FBXO7: variants seen among roughly 807,000 people sequenced by gnomAD.
FBXO7 encodes F-box protein 7, also known as F-box only protein 7.
Under a neutral mutation model 50.2 loss-of-function variants are expected in FBXO7, and 31 were observed. The ratio of observed to expected loss-of-function variants is 0.62; its 90% CI spans 0.46 to 0.83. The LOEUF is 0.83. Ranked by LOEUF, FBXO7 falls within the 40% of genes least tolerant of loss-of-function variation. The pLI, the probability that FBXO7 is intolerant of heterozygous loss-of-function variation, is 0.00. For synonymous variants in FBXO7, 256 were observed against 253.1 expected, an observed-to-expected ratio of 1.01 and a Z score of -0.11; for missense variants, 667 against 646.6, an observed-to-expected ratio of 1.03 and a Z score of -0.34.
At chr22:32,495,397 A>G in intron 7 of FBXO7, 96 bp from the exon 8 acceptor site, 1 of 717,418 alleles carries the variant, frequency 1.4e-6, no homozygotes, top group Non-Finnish European at 2.4e-6. Flanking sequence ...CTTAACGGGT[A>G]AGTTTCACTT....
At chr22:32,493,868 G>A (rs1266558602) in intron 7 of FBXO7, among the ~76,000 whole-genome samples, 5 of 151,296 alleles carry the variant, frequency 3.3e-5, no homozygotes, top group Non-Finnish European at 7.4e-5. Context: ...CATTTAATGG[G>A]TCATGTTACA....
intron 2 of FBXO7, among the ~76,000 whole-genome samples, chr22:32,482,490 A>G (rs2057470986): frequency 6.6e-6 from 1 of 152,250 alleles, no homozygotes; most frequent in Non-Finnish European, 1.5e-5. Context: ...TTCTGAGCAA[A>G]CTTAATATAG....
In FBXO7 at chr22:32,484,025, A is replaced by G; in HGVS notation, c.546A>G (p.Ser182=). The change falls in exon 3 of 9, where the codon TCA becomes TCG. Residue 182 remains serine, a synonymous_variant. Coordinates refer to ENST00000266087, the MANE Select transcript of FBXO7 (RefSeq NM_012179.4). Reference sequence around the variant, plus strand: ...CGGTGGAAGGGCAAGTGCCACATTCATTAGAGACCTTGTATCAATCAGCTG... The same window carrying G: ...CGGTGGAAGGGCAAGTGCCACATTCGTTAGAGACCTTGTATCAATCAGCTG... ...SESVEGQVPH[S]LETLYQSADC... 6.2e-7 allele frequency: 1 copy of G among 1,614,182 alleles called. No homozygotes were observed.
At chr22:32,482,727 A>G (rs1032651274) in intron 2 of FBXO7, among the ~76,000 whole-genome samples, 5 of 152,264 alleles carry the variant, frequency 3.3e-5, no homozygotes, top group African/African-American at 4.8e-5. Context: ...TAAAGACATT[A>G]TGAAGTTGTA....
chr22:32,478,379 T>C lies in FBXO7; in HGVS notation c.123-602T>C, dbSNP rs1050313569. ...CAGGGGAAAATGCTGTCAATTGATA[T>C]GTCATTGATTTTAGGAAGTATCTTA... On this transcript the variant is annotated intron_variant, in intron 1 of 8. Coordinates refer to ENST00000266087, the MANE Select transcript of FBXO7 (RefSeq NM_012179.4). 7.9e-5 allele frequency among the ~76,000 whole-genome samples: 12 copies of C among 152,304 alleles called. No homozygotes were observed. In the East Asian group the frequency reaches 1.5e-3, roughly 20 times the overall value.
chr22:32,490,190 C>G (rs9619267), intron 5 of FBXO7: 1 of 152,118 alleles, frequency 6.6e-6, no homozygotes, highest in African/African-American at 2.4e-5. Context: ...AGGCACTGCT[C>G]GTGGAGCTTT....
intron 1 of FBXO7, among the ~76,000 whole-genome samples, chr22:32,476,748 T>C (rs1249067634): frequency 6.6e-6 from 1 of 152,190 alleles, no homozygotes; most frequent in Non-Finnish European, 1.5e-5. Flanking sequence ...GAATGGCTAC[T>C]CCATAGGCAG....
intron 1 of FBXO7, among the ~76,000 whole-genome samples, chr22:32,476,334 G>A (rs2057428714): frequency 1.3e-5 from 2 of 152,082 alleles, no homozygotes; most frequent in South Asian, 2.1e-4. Flanking sequence ...AGTAGGTTAC[G>A]AGTAGAAGAT....
intron 5 of FBXO7, chr22:32,489,482 C>G (rs1322003391): frequency 5.3e-5 from 8 of 152,160 alleles, no homozygotes; most frequent in Admixed American, 5.2e-4. Context: ...CTACACTTTA[C>G]AGCAGTAGAG....
chr22:32,475,562 A>G, intron 1 of FBXO7: 1 of 890,304 alleles, frequency 1.1e-6, no homozygotes, highest in Non-Finnish European at 1.6e-6. Flanking sequence ...CTGTTGGAGT[A>G]TTTCAATGAA....
intron 5 of FBXO7, chr22:32,489,733 A>G (rs1308990577): frequency 6.6e-6 from 1 of 152,250 alleles, no homozygotes; most frequent in East Asian, 1.9e-4. Flanking sequence ...TTACAAGTTT[A>G]TGGACTGTTA....
chr22:32,475,309 G>T, intron 1 of FBXO7, 185 bp downstream of exon 1: 2 of 1,607,304 alleles, frequency 1.2e-6, no homozygotes, highest in Non-Finnish European at 1.7e-6. Context: ...GAGCCGGAGG[G>T]TGCAGGCGAC....
Position 32,493,215 on chromosome 22 carries a change from C to T in FBXO7, c.1078C>T (p.Arg360Cys), listed in dbSNP as rs766504416. 6.2e-6 allele frequency: 10 copies of T among 1,613,940 alleles called. No homozygotes were observed. The highest frequency in any genetic ancestry group is 1.6e-4 in the Middle Eastern group (1 of 6,084). Residue 360 changes from arginine to cysteine, a missense_variant, in exon 7 of 9, where the codon CGT becomes TGT. Coordinates refer to ENST00000266087, the MANE Select transcript of FBXO7 (RefSeq NM_012179.4). ...RSVLSLSAVC[R>C]DLFTASNDPL... ...CGTCTTGTCTTTGTCTGCGGTTTGT[C>T]GTGACCTCTTTACTGCTTCAAATGA...
At chr22:32,481,739 C>T (rs1258438637) in intron 2 of FBXO7, among the ~76,000 whole-genome samples, 1 of 152,150 alleles carries the variant, frequency 6.6e-6, no homozygotes, top group South Asian at 2.1e-4. Context: ...GGGAATTCAT[C>T]GAGTGCCTCT....
rs1405380641 is a variant in FBXO7 at position 32,487,781 on chromosome 22, A to G, written c.824A>G (p.Lys275Arg). 17 of 1,610,644 alleles carry G rather than the reference A, an allele frequency of 1.1e-5. No individual in the cohort carries two copies. Among genetic ancestry groups the G allele is most frequent in the Non-Finnish European group, 1.4e-5 (17 of 1,177,442 alleles). ...LKINNEIRSV[K>R]RLQLLPESFI... ...ATCAACAATGAGATTAGAAGTGTGA[A>G]AAGATTGCAGCTGCTACCAGAATCT... The change falls in exon 5 of 9, where the codon AAA (lysine) becomes AGA (arginine). Residue 275 changes from lysine (K) to arginine (R), a missense_variant. Physicochemically the swap from Lys to Arg is conservative, Grantham distance 26 (BLOSUM62 2). Transcript: ENST00000266087.
At position 32,475,319 on chromosome 22, in the gene FBXO7, C is replaced by T. The variant is rs1375090160; in HGVS notation, c.122+195C>T. 3.7e-6 allele frequency: 6 copies of T among 1,606,924 alleles called. No individual in the cohort carries two copies. In the African/African-American group the frequency reaches 4.1e-5, roughly 11 times the overall value. On this transcript the variant is annotated intron_variant, in intron 1 of 8. Transcript: ENST00000266087. ...TCGCGGAGCCGGAGGGTGCAGGCGA[C>T]GGGAAGCGCGGGTGGTCGGCTGGGG...
intron 5 of FBXO7, chr22:32,490,233 G>C (rs1445848660): frequency 6.6e-6 from 1 of 152,206 alleles, no homozygotes; most frequent in Non-Finnish European, 1.5e-5. Flanking sequence ...GTGTAGTGGT[G>C]GTGTCTCCTT....
intron 6 of FBXO7, 194 bp from the exon 7 acceptor site, chr22:32,492,911 T>C (rs2057546598): frequency 3.1e-6 from 2 of 636,164 alleles, no homozygotes; most frequent in Admixed American, 5.2e-5. Context: ...TAGAGTTATA[T>C]GAGTTAATAG....
chr22:32,475,407 T>A, intron 1 of FBXO7: 1 of 1,611,020 alleles, frequency 6.2e-7, no homozygotes, highest in Non-Finnish European at 8.5e-7. Context: ...CGGTGAGTCA[T>A]GGCTTCTGGT....
Sources: allele counts gnomAD v4.1 joint callset (sites outside exome capture counted in the v4.1 genomes callset), GRCh38; gene constraint gnomAD v4.1.1; transcripts MANE v1.5; gene names NCBI Gene and HGNC (gene_info 2026-07-23, HGNC 2026-07-21).